DHRS4L2: variants seen among roughly 807,000 people sequenced by gnomAD.
DHRS4L2 encodes dehydrogenase/reductase SDR family member 4-like 2.
DHRS4L2 carries 22 observed loss-of-function variants against 23.9 expected under a neutral mutation model. The observed-to-expected ratio is 0.92, with a 90% CI of 0.66 to 1.31. The LOEUF is 1.31. DHRS4L2 is among the 40% of genes most tolerant of loss of function. The pLI, the probability that DHRS4L2 is intolerant of heterozygous loss-of-function variation, is 0.00. For synonymous variants in DHRS4L2, 141 were observed against 123.7 expected, an observed-to-expected ratio of 1.14 and a Z score of -0.93; for missense variants, 385 against 303.3, an observed-to-expected ratio of 1.27 and a Z score of -2.00.
At chr14:23,986,944 CAG>C (rs2034157239), upstream of DHRS4L2, among the ~76,000 whole-genome samples, 1 of 151,618 alleles carries the variant, frequency 6.6e-6, no homozygotes, top group Non-Finnish European at 1.5e-5. Context: ...GAGCACCAGT[CAG>C]AGTCAGCTTT....
chr14:24,001,240 G>C (rs1421804160), intron 5 of DHRS4L2, 144 bp from the exon 6 acceptor site: 1 of 1,572,950 alleles, frequency 6.4e-7, no homozygotes, highest in Non-Finnish European at 8.6e-7. Flanking sequence ...CCATAACCTA[G>C]GGGAGGTTTA....
At chr14:23,989,330 T>G (rs1347932190) in intron 1 of DHRS4L2, among the ~76,000 whole-genome samples, 3 of 151,776 alleles carry the variant, frequency 2.0e-5, no homozygotes, top group East Asian at 1.9e-4. Context: ...GTCCCCCCAG[T>G]GTTCTGGGCT....
intron 2 of DHRS4L2, chr14:23,991,012 A>C (rs866612318): frequency 7.5e-5 from 39 of 517,094 alleles, no homozygotes; most frequent in Non-Finnish European, 8.0e-5. Context: ...GTAGTGGACA[A>C]CAGCCTTGCA....
chr14:23,983,012 G>A (rs1298788286), intron 1 of DHRS4L2, among the ~76,000 whole-genome samples: 5 of 151,646 alleles, frequency 3.3e-5, no homozygotes, highest in African/African-American at 9.7e-5. Flanking sequence ...CAATGGCAAC[G>A]AAGTCCAAAT....
intron 1 of DHRS4L2, among the ~76,000 whole-genome samples, chr14:23,980,812 G>A: frequency 6.6e-6 from 1 of 151,486 alleles, no homozygotes; most frequent in African/African-American, 2.4e-5. Context: ...TCTCAAAATA[G>A]TAAGAGTTAT....
Position 23,993,632 on chromosome 14 carries a change from G to A in DHRS4L2, c.307-1400G>A, listed in dbSNP as rs1259862860. The stretch of plus-strand genomic sequence containing the variant: ...TTGGCCATTCATTACTCTAGCACAC[G>A]CCTCACTATCTACTTATAACTTATT... On this transcript the variant is annotated intron_variant, in intron 2 of 7. Transcript: ENST00000335125. Among the ~76,000 whole-genome samples, 7 of 151,618 alleles carry A rather than the reference G, an allele frequency of 4.6e-5. 1 individual carries two copies. Among genetic ancestry groups the A allele is most frequent in the East Asian group, 1.9e-4 (1 of 5,192 alleles).
intron 1 of DHRS4L2, among the ~76,000 whole-genome samples, chr14:23,971,509 T>G (rs148075994): frequency 1.4e-3 from 219 of 152,040 alleles, no homozygotes; most frequent in African/African-American, 5.2e-3. Context: ...ATCACAAAGA[T>G]ACTCCTTGAG....
chr14:23,975,798 C>G (rs941308338), intron 1 of DHRS4L2, among the ~76,000 whole-genome samples: 70 of 151,766 alleles, frequency 4.6e-4, no homozygotes, highest in African/African-American at 1.1e-3. Context: ...TCAGAAATAA[C>G]ACCACACATC....
intron 1 of DHRS4L2, among the ~76,000 whole-genome samples, chr14:23,972,682 T>C (rs118128273): frequency 0.094 from 13,874 of 147,094 alleles, 827 homozygotes; most frequent in East Asian, 0.23. Flanking sequence ...CAACAGTGAG[T>C]CCAGGGGACC....
At chr14:23,980,957 G>T (rs1398672440) in intron 1 of DHRS4L2, among the ~76,000 whole-genome samples, 1 of 151,624 alleles carries the variant, frequency 6.6e-6, no homozygotes, top group Non-Finnish European at 1.5e-5. Context: ...TTCTAGCCAG[G>T]GCACTCAGGC....
Position 23,977,871 on chromosome 14 carries a change from A to G in DHRS4L2, c.-176+7539A>G, listed in dbSNP as rs184726004. On this transcript the variant is annotated intron_variant, in intron 1 of 5. Transcript: ENST00000534993. ...AAACATGTTAATTGTATCCTTCCCA[A>G]AAATAAACACTGCGTATAACTGATC... is the stretch of plus-strand genomic sequence containing the variant. Among the ~76,000 whole-genome samples the G allele has an allele frequency of 4.2e-3, 637 of 151,764 alleles. 13 individuals carry two copies. The highest frequency in any genetic ancestry group is 6.4e-3 in the Non-Finnish European group (435 of 67,960).
intron 1 of DHRS4L2, among the ~76,000 whole-genome samples, chr14:23,973,741 A>G (rs921850922): frequency 4.0e-5 from 6 of 151,622 alleles, no homozygotes; most frequent in African/African-American, 7.3e-5. Context: ...GAGAACCCAG[A>G]TTCATAAAGC....
rs192296222 is a variant in DHRS4L2 at position 23,976,198 on chromosome 14, A to C, written c.-176+5866A>C. Among the ~76,000 whole-genome samples the C allele has an allele frequency of 8.2e-3, 1,245 of 151,978 alleles. 31 individuals carry two copies. Among genetic ancestry groups the C allele is most frequent in the Admixed American group, 0.011 (167 of 15,280 alleles). ...CTACAGAATAGGAGAAAATTCTTGC[A>C]ATCTATCCATCTGACAAAGGTCTAA... On this transcript the variant is annotated intron_variant, in intron 1 of 5. Coordinates refer to the DHRS4L2 transcript ENST00000534993.
chr14:24,000,931 A>G lies in DHRS4L2; in HGVS notation c.477A>G (p.Arg159=). Residue 159 remains arginine (R), a splice_region_variant and synonymous_variant, in exon 4 of 8, where the codon CGA becomes CGG. Transcript: ENST00000335125. ...CAGTGGTGCCAGAAATGGAGAAACGAGGGTACAGAGAGTGAGAGAGAGCCT... is the reference window on the plus strand; with the variant it reads ...CAGTGGTGCCAGAAATGGAGAAACGGGGGTACAGAGAGTGAGAGAGAGCCT... The part of the protein sequence containing the change: ...TKAVVPEMEK[R]GGGSVVIVSS... 6.2e-7 allele frequency: 1 copy of G among 1,611,298 alleles called. No homozygotes were observed. The highest frequency in any genetic ancestry group is 8.5e-7 in the Non-Finnish European group (1 of 1,179,402).
chr14:23,986,400 C>T (rs962160054), upstream of DHRS4L2, among the ~76,000 whole-genome samples: 4 of 150,688 alleles, frequency 2.7e-5, no homozygotes, highest in African/African-American at 7.3e-5. Flanking sequence ...GGAGGAATAC[C>T]GAATGTAAAT....
At chr14:23,976,294 AAGTATGAAC>A in intron 1 of DHRS4L2, among the ~76,000 whole-genome samples, 1 of 152,010 alleles carries the variant, frequency 6.6e-6, no homozygotes, top group Non-Finnish European at 1.5e-5. Context: ...AGTGGGTAAA[AAGTATGAAC>A]AGAAACTTCT....
upstream of DHRS4L2, chr14:23,987,137 T>A (rs933602385): frequency 3.4e-6 from 1 of 291,092 alleles, no homozygotes; most frequent in Non-Finnish European, 6.8e-6. Context: ...CCTTGTTTTT[T>A]TTCTTTTTGT....
intron 1 of DHRS4L2, among the ~76,000 whole-genome samples, chr14:23,989,463 G>C (rs1413643042): frequency 6.6e-6 from 1 of 151,426 alleles, no homozygotes; most frequent in Non-Finnish European, 1.5e-5. Flanking sequence ...TTCTATTTGG[G>C]CTCCAGAAAG....
intron 1 of DHRS4L2, among the ~76,000 whole-genome samples, chr14:23,977,984 C>T (rs2033999190): frequency 6.6e-6 from 1 of 151,558 alleles, no homozygotes; most frequent in Non-Finnish European, 1.5e-5. Flanking sequence ...AAATTGAAAC[C>T]TTAACTTCTC....
Sources: allele counts gnomAD v4.1 joint callset (sites outside exome capture counted in the v4.1 genomes callset), GRCh38; gene constraint gnomAD v4.1.1; transcripts MANE v1.5; gene names NCBI Gene and HGNC (gene_info 2026-07-23, HGNC 2026-07-21).